Variants in GFPT1 observed in about 807,000 individuals in gnomAD.
GFPT1 encodes the protein glutamine--fructose-6-phosphate transaminase 1, also known as glutamine--fructose-6-phosphate aminotransferase [isomerizing] 1.
GFPT1 carries 40 observed loss-of-function variants against 92.0 expected under a neutral mutation model. That is an observed-to-expected ratio of 0.43 (90% CI 0.34 to 0.57). GFPT1 has a LOEUF of 0.57. Ranked by LOEUF, GFPT1 falls within the 20% of genes least tolerant of loss-of-function variation. The pLI is 0.02. For missense variants in GFPT1, 448 were observed against 869.1 expected (o/e 0.52, Z 6.09); for synonymous variants, 269 against 280.6 (o/e 0.96, Z 0.41).
At position 69,327,007 on chromosome 2, in the gene GFPT1, C is replaced by G. The variant is rs368208403; in HGVS notation, c.1962G>C (p.Lys654Asn). The change falls in exon 19 of 20, where the codon AAG (lysine) becomes AAC (asparagine). Residue 654 changes from lysine to asparagine, a missense_variant. Physicochemically the swap from Lys to Asn is moderately conservative, Grantham distance 94. Around this residue, in one of 7 missense-constraint regions of GFPT1, gnomAD observed 55 missense variants for 98.8 expected, o/e 0.56. Transcript: ENST00000357308. ...GCAAGCAGTCCACTGAGTGGGGCAC[C>G]TTGATCGTTCTTTTTGTGTTCTTAA... ...ETIKNTKRTI[K>N]VPHSVDCLQG... 4 of 1,613,910 alleles carry G rather than the reference C, an allele frequency of 2.5e-6. No individual in the cohort carries two copies. Among genetic ancestry groups the G allele is most frequent in the Non-Finnish European group, 2.5e-6 (3 of 1,179,906 alleles).
At chr2:69,357,300 A>AC (rs1671361364) in intron 6 of GFPT1, among the ~76,000 whole-genome samples, 1 of 152,152 alleles carries the variant, frequency 6.6e-6, no homozygotes, top group Non-Finnish European at 1.5e-5. Flanking sequence ...ACTCTTTCTG[A>AC]CCTTGATATT....
chr2:69,349,157 T>A (rs530626620), intron 10 of GFPT1, among the ~76,000 whole-genome samples: 2 of 152,338 alleles, frequency 1.3e-5, no homozygotes, highest in East Asian at 3.9e-4. Flanking sequence ...ACTTCTGTGA[T>A]CATTGTTTAA....
chr2:69,330,462 C>T (rs187974256), intron 15 of GFPT1, among the ~76,000 whole-genome samples: 3 of 151,308 alleles, frequency 2.0e-5, no homozygotes, highest in Non-Finnish European at 2.9e-5. Context: ...GCTTGATAAA[C>T]TCTCCTTGGG....
Position 69,387,217 on chromosome 2 carries a change from C to A in GFPT1, c.-146G>T, listed in dbSNP as rs554293618. On this transcript the variant is annotated 5_prime_UTR_variant, in exon 1 of 20. Transcript: ENST00000357308. ...CTCGGGGATGCGACGGCCAAGGCAA[C>A]GACAGCCTTCTCCGCCTCCCGGGCT... The A allele has an allele frequency of 1.6e-5, 14 of 848,656 alleles. No homozygotes were observed. The highest frequency in any genetic ancestry group is 2.2e-5 in the Non-Finnish European group (13 of 586,826). 52.6% of individuals were successfully genotyped at this position (848,656 alleles called of 1,614,324 possible). A position where few individuals can be genotyped will look rare whatever the true frequency, so the allele number is the denominator to read the frequency against.
At chr2:69,386,537 G>C (rs894909561) in intron 1 of GFPT1, among the ~76,000 whole-genome samples, 2 of 152,218 alleles carry the variant, frequency 1.3e-5, no homozygotes, top group African/African-American at 4.8e-5. Context: ...GTTGAGACAA[G>C]GGATGGCAGG....
intron 12 of GFPT1, among the ~76,000 whole-genome samples, chr2:69,343,248 C>T (rs747194745): frequency 8.5e-5 from 13 of 152,080 alleles, no homozygotes; most frequent in Non-Finnish European, 1.5e-4. Flanking sequence ...CCCTAATCAC[C>T]CACCAAGTAA....
intron 3 of GFPT1, among the ~76,000 whole-genome samples, chr2:69,365,641 CT>C (rs1671592971): frequency 6.6e-6 from 1 of 151,984 alleles, no homozygotes; most frequent in Non-Finnish European, 1.5e-5. Flanking sequence ...TGGCAGATAC[CT>C]TTTTGTTGGA....
rs141999502 is a variant in GFPT1, at chr2:69,375,137, T to C, written c.8-1024A>G. On this transcript the variant is annotated intron_variant, in intron 1 of 19. Coordinates refer to ENST00000357308, the MANE Select transcript of GFPT1 (RefSeq NM_001244710.2). ...CTTTTAGGAATGGCAGCATGGGCAT[T>C]ATCTGAGGTTTTCCATGGCTGTGCT... 3.0e-3 allele frequency among the ~76,000 whole-genome samples: 454 copies of C among 152,346 alleles called. 2 individuals are homozygous for C. The highest frequency in any genetic ancestry group is 8.6e-3 in the African/African-American group (358 of 41,586).
In GFPT1 at chr2:69,387,088, C is replaced by A. The variant is rs956218655; in HGVS notation, c.-17G>T. 4.6e-6 allele frequency: 7 copies of A among 1,536,406 alleles called. No homozygotes were observed. In the African/African-American group the frequency reaches 9.8e-5, roughly 21 times the overall value. On this transcript the variant is annotated 5_prime_UTR_variant, in exon 1 of 20. Coordinates refer to ENST00000357308, the MANE Select transcript of GFPT1 (RefSeq NM_001244710.2). ...ACCACACATGATGCCGGAGACACGG[C>A]CCGCGAGGCCAGGGGCGAGTGGCTG... is the stretch of plus-strand genomic sequence containing the variant.
rs1428235397 is a variant in GFPT1, at chr2:69,326,013, G to T, written c.*176C>A. Reference sequence around the variant, plus strand: ...GTCCTCCACAAATTACTGGGAAAATGTAAGAGGTAACTTCACAAAAATCAC... The same window carrying T: ...GTCCTCCACAAATTACTGGGAAAATTTAAGAGGTAACTTCACAAAAATCAC... On this transcript the variant is annotated 3_prime_UTR_variant, in exon 20 of 20. Transcript: ENST00000357308. 9 of 569,898 alleles carry T rather than the reference G, an allele frequency of 1.6e-5. No homozygotes were observed. In the East Asian group the frequency reaches 2.6e-4, roughly 16 times the overall value. The allele number at this position is 569,898 out of a possible 1,614,324, so 35.3% of individuals were successfully genotyped here. A position where few individuals can be genotyped will look rare whatever the true frequency, so the allele number is the denominator to read the frequency against.
In GFPT1 at chr2:69,350,445, T is replaced by C. The variant is rs191678381; in HGVS notation, c.740-262A>G. On this transcript the variant is annotated intron_variant, in intron 9 of 19. Transcript: ENST00000357308. ...TTATATGTTTTTTTAATATAATATT[T>C]ATTTTCCAGGTAAAAGACAAGTAAT... Among the ~76,000 whole-genome samples the C allele has an allele frequency of 2.9e-3, 446 of 152,316 alleles. 2 individuals carry two copies. Among genetic ancestry groups the C allele is most frequent in the African/African-American group, 0.01 (420 of 41,566 alleles).
intron 2 of GFPT1, 36 bp downstream of exon 2, chr2:69,373,970 A>T (rs756434009): frequency 2.1e-6 from 2 of 946,114 alleles, no homozygotes; most frequent in Non-Finnish European, 3.5e-6. Flanking sequence ...CTATTTAAAG[A>T]ATCATGCAAA....
At chr2:69,368,470 G>A (rs138713401) in intron 3 of GFPT1, among the ~76,000 whole-genome samples, 24 of 152,164 alleles carry the variant, frequency 1.6e-4, no homozygotes, top group East Asian at 7.7e-4. Context: ...GCTAATGCCT[G>A]TAATCCCACT....
chr2:69,342,410 A>G (rs1229311836), intron 12 of GFPT1, among the ~76,000 whole-genome samples, 161 bp from the exon 13 acceptor site: 3 of 152,176 alleles, frequency 2.0e-5, no homozygotes, highest in African/African-American at 7.2e-5. Flanking sequence ...TTTGAAAAGT[A>G]AATTAAATAA....
At chr2:69,348,372 A>G (rs777471608) in intron 10 of GFPT1, 38 bp from the exon 11 acceptor site, 9 of 1,461,606 alleles carry the variant, frequency 6.2e-6, no homozygotes, top group Non-Finnish European at 8.6e-6. Context: ...ATCGATAACC[A>G]AGGATCATTA....
At chr2:69,344,132 G>C (rs966564231) in intron 12 of GFPT1, among the ~76,000 whole-genome samples, 2 of 124,322 alleles carry the variant, frequency 1.6e-5, no homozygotes, top group African/African-American at 6.2e-5. Flanking sequence ...GGAAACAGCA[G>C]TAAAAGGCTG....
chr2:69,326,534 T>C (rs1199007724), intron 19 of GFPT1, among the ~76,000 whole-genome samples: 3 of 152,190 alleles, frequency 2.0e-5, no homozygotes, highest in African/African-American at 7.2e-5. Context: ...AAAAGCACTA[T>C]GTTTTGGTTG....
intron 1 of GFPT1, among the ~76,000 whole-genome samples, chr2:69,381,098 G>A (rs540858666): frequency 1.3e-5 from 2 of 152,048 alleles, no homozygotes; most frequent in African/African-American, 4.8e-5. Flanking sequence ...TCCCGCCTCA[G>A]CCTCTTGAGC....
At position 69,326,241 on chromosome 2, in the gene GFPT1, AAG is replaced by A. The variant is rs778019023; in HGVS notation, c.2056-10_2056-9del. 9 of 1,532,690 alleles carry A rather than the reference AAG, an allele frequency of 5.9e-6. No individual in the cohort carries two copies. Among genetic ancestry groups the A allele is most frequent in the African/African-American group, 2.2e-5 (1 of 45,298 alleles). 94.9% of individuals were successfully genotyped at this position (1,532,690 alleles called of 1,614,324 possible). A position where few individuals can be genotyped will look rare whatever the true frequency, so the allele number is the denominator to read the frequency against. The stretch of plus-strand genomic sequence containing the variant: ...ATTCCGTGGGAAATCAACCTGCAAA[AAG>A]AAAAAAAAAAAAAGCAAGATTTGAG... On this transcript the variant is annotated splice_polypyrimidine_tract_variant and intron_variant, in intron 19 of 19. Coordinates refer to ENST00000357308, the MANE Select transcript of GFPT1 (RefSeq NM_001244710.2).
Sources: gnomAD v4.1 joint callset for allele counts (sites outside exome capture counted in the v4.1 genomes callset) on GRCh38, gnomAD v4.1.1 for gene constraint, gnomAD v4.1.1 regional missense constraint, MANE v1.5 for transcripts, NCBI Gene and HGNC (gene_info 2026-07-23, HGNC 2026-07-21) for gene names.